C10orf90: variants seen among roughly 807,000 people sequenced by gnomAD.
C10orf90 encodes the protein (E2-independent) E3 ubiquitin-conjugating enzyme FATS.
In C10orf90, 56 loss-of-function variants were observed where a neutral mutation model predicts 62.5. The ratio of observed to expected loss-of-function variants is 0.90; its 90% CI spans 0.72 to 1.12. The LOEUF is 1.12. C10orf90 is among the 50% of genes most tolerant of loss of function. The pLI, the probability that C10orf90 is intolerant of heterozygous loss-of-function variation, is 0.00. For synonymous variants in C10orf90, 386 were observed against 340.4 expected (o/e 1.13, Z -1.47); for missense variants, 970 against 880.4 (o/e 1.10, Z -1.29).
In C10orf90 at chr10:126,547,233, C is replaced by A. The variant is rs549634631; in HGVS notation, c.314-33294G>T. Among the ~76,000 whole-genome samples the A allele has an allele frequency of 2.6e-5, 4 of 152,114 alleles. No homozygotes were observed. The East Asian group carries it at 7.7e-4, about 29-fold the overall frequency. The stretch of plus-strand genomic sequence containing the variant: ...AGGAGATCGAGACCATCCTGGCTAA[C>A]GCGGTGAAACCCCATCTCTACAAAA... On this transcript the variant is annotated intron_variant, in intron 2 of 9. Transcript: ENST00000488181.
At chr10:126,506,804 C>A (rs1427963179) in intron 3 of C10orf90, among the ~76,000 whole-genome samples, 1 of 150,168 alleles carries the variant, frequency 6.7e-6, no homozygotes, top group African/African-American at 2.4e-5. Flanking sequence ...ACAGCAAGCA[C>A]AGTAGCATTT....
intron 4 of C10orf90, among the ~76,000 whole-genome samples, chr10:126,467,589 C>T (rs541112255): frequency 9.9e-5 from 15 of 152,230 alleles, no homozygotes; most frequent in Middle Eastern, 3.4e-3. Context: ...ACTGGACGGG[C>T]GCTTAAAGCC....
chr10:126,563,574 T>C (rs1401902799), intron 2 of C10orf90, among the ~76,000 whole-genome samples: 3 of 152,178 alleles, frequency 2.0e-5, no homozygotes, highest in Admixed American at 2.0e-4. Context: ...TGAAAATGTG[T>C]GGACCACCTG....
chr10:126,456,546 T>C lies in C10orf90; in HGVS notation c.2188+2494A>G, dbSNP rs986671202. Among the ~76,000 whole-genome samples, 2 of 152,170 alleles carry C rather than the reference T, an allele frequency of 1.3e-5. No homozygotes were observed. Among genetic ancestry groups the C allele is most frequent in the East Asian group, 3.9e-4 (2 of 5,190 alleles). Reference sequence around the variant, plus strand: ...TATTTGTTTCGGGCAAACACCACAGTTGAATGATATAATGAGTGTAATGAT... The same window carrying C: ...TATTTGTTTCGGGCAAACACCACAGCTGAATGATATAATGAGTGTAATGAT... On this transcript the variant is annotated intron_variant, in intron 7 of 9. Coordinates refer to ENST00000488181, the MANE Select transcript of C10orf90 (RefSeq NM_001350921.2). The surrounding 1 kb of genome is among the most constrained non-coding windows in gnomAD (Gnocchi z 4.9).
At chr10:126,630,560 C>T (rs907019145) in intron 2 of C10orf90, among the ~76,000 whole-genome samples, 14 of 152,240 alleles carry the variant, frequency 9.2e-5, no homozygotes, top group African/African-American at 2.4e-4. Flanking sequence ...GTCTGATAGA[C>T]GCTCCGTGTG....
At chr10:126,525,854 TG>T (rs1863925666) in intron 2 of C10orf90, among the ~76,000 whole-genome samples, 1 of 152,172 alleles carries the variant, frequency 6.6e-6, no homozygotes, top group South Asian at 2.1e-4. Flanking sequence ...TTTTTGTTTT[TG>T]CTGTTGTTGT....
At chr10:126,429,925 G>T in intron 7 of C10orf90, 75 bp from the exon 8 acceptor site, 1 of 1,294,422 alleles carries the variant, frequency 7.7e-7, no homozygotes, top group Non-Finnish European at 1.1e-6. Flanking sequence ...ATTGTGATTA[G>T]TTCATAATCC....
chr10:126,434,160 T>G (rs963007059), intron 7 of C10orf90, among the ~76,000 whole-genome samples: 3 of 152,354 alleles, frequency 2.0e-5, no homozygotes, highest in Admixed American at 2.0e-4. Context: ...TCAGTGCTTC[T>G]GAGAACTACT....
At chr10:126,642,594 AC>A (rs1409240153) in intron 2 of C10orf90, among the ~76,000 whole-genome samples, 1 of 151,684 alleles carries the variant, frequency 6.6e-6, no homozygotes, top group Non-Finnish European at 1.5e-5. Flanking sequence ...TCCTCTTCCC[AC>A]CCCACACATG....
In C10orf90 at chr10:126,504,744, G is replaced by T; in HGVS notation, c.747C>A (p.Arg249=). ...CCCCAGCAGTCCCCCACACCAGGGC[G>T]CGGGCTGGGGGGCCCACGCGTCTGG... The part of the protein sequence containing the change: ...ITARRVGPPA[R]ALVWGTAGDS... Residue 249 remains arginine (R), a synonymous_variant, in exon 4 of 10, where the codon CGC becomes CGA. Transcript: ENST00000488181. This position sits in a 1 kb window ranked among gnomAD's most constrained non-coding sequence, Gnocchi z 4.1. 3 of 1,594,830 alleles carry T rather than the reference G, an allele frequency of 1.9e-6. No homozygotes were observed. The highest frequency in any genetic ancestry group is 2.3e-5 in the South Asian group (2 of 88,256).
chr10:126,557,252 C>T (rs1046591220), intron 2 of C10orf90, among the ~76,000 whole-genome samples: 8 of 151,864 alleles, frequency 5.3e-5, no homozygotes, highest in Admixed American at 2.0e-4. Context: ...GAGGCTGAGG[C>T]GGGCAGATCA....
At chr10:126,560,217 T>G (rs1353470026) in intron 2 of C10orf90, among the ~76,000 whole-genome samples, 1 of 152,188 alleles carries the variant, frequency 6.6e-6, no homozygotes, top group Non-Finnish European at 1.5e-5. Flanking sequence ...CTCAGTGATT[T>G]GTAAGTGGGT....
intron 2 of C10orf90, among the ~76,000 whole-genome samples, chr10:126,600,194 G>A (rs576152796): frequency 2.6e-5 from 4 of 152,176 alleles, no homozygotes; most frequent in African/African-American, 7.2e-5. Flanking sequence ...TGTGTGCATC[G>A]CATGTGTGTG....
At chr10:126,626,905 A>G (rs1845753831) in intron 2 of C10orf90, among the ~76,000 whole-genome samples, 1 of 152,168 alleles carries the variant, frequency 6.6e-6, no homozygotes, top group Admixed American at 6.5e-5. Context: ...CGCTGCCATG[A>G]CAAAGGCCAT....
At chr10:126,466,866 T>C (rs1331552336) in intron 4 of C10orf90, among the ~76,000 whole-genome samples, 5 of 152,244 alleles carry the variant, frequency 3.3e-5, no homozygotes. Context: ...CTTTGCTAAA[T>C]TGTACAGAAA....
intron 4 of C10orf90, among the ~76,000 whole-genome samples, chr10:126,500,730 T>C (rs1353156250): frequency 6.6e-6 from 1 of 152,122 alleles, no homozygotes; most frequent in African/African-American, 2.4e-5. Flanking sequence ...TGCTCACGCG[T>C]CTATTGGAAT....
At chr10:126,442,655 A>G (rs1198041346) in intron 7 of C10orf90, among the ~76,000 whole-genome samples, 10 of 89,280 alleles carry the variant, frequency 1.1e-4, no homozygotes, top group South Asian at 3.9e-4. Context: ...ATATATATAT[A>G]TATATATATA....
intron 2 of C10orf90, among the ~76,000 whole-genome samples, chr10:126,545,102 C>T (rs1038816156): frequency 3.9e-5 from 6 of 152,160 alleles, no homozygotes; most frequent in Non-Finnish European, 8.8e-5. Context: ...GCAGGTCATG[C>T]GTAATGCACC....
At position 126,628,902 on chromosome 10, in the gene C10orf90, T is replaced by C. The variant is rs553129034; in HGVS notation, c.313+17663A>G. Among the ~76,000 whole-genome samples, 7 of 152,244 alleles carry C rather than the reference T, an allele frequency of 4.6e-5. No individual in the cohort carries two copies. The South Asian group carries it at 1.5e-3, about 32-fold the overall frequency. On this transcript the variant is annotated intron_variant, in intron 2 of 9. Coordinates refer to ENST00000488181, the MANE Select transcript of C10orf90 (RefSeq NM_001350921.2). ...GCTGGTCTGGGACAGCTCTGCCCCT[T>C]CCAAACACACTGCTATCATGGGTGC...
Sources: gnomAD v4.1 joint callset for allele counts (sites outside exome capture counted in the v4.1 genomes callset) on GRCh38, gnomAD v4.1.1 for gene constraint, Gnocchi (gnomAD v3.1) non-coding constraint, MANE v1.5 for transcripts, NCBI Gene and HGNC (gene_info 2026-07-23, HGNC 2026-07-21) for gene names.